Variants in TBC1D4 observed in about 807,000 individuals in gnomAD.
The protein encoded by TBC1D4 is TBC1 domain family member 4.
In TBC1D4, 121 loss-of-function variants were observed where a neutral mutation model predicts 142.5. The observed-to-expected ratio is 0.85, with a 90% CI of 0.73 to 0.99. TBC1D4 has a LOEUF of 0.99. TBC1D4 is among the 50% of genes least tolerant of loss of function. TBC1D4 has a pLI of 0.00. For synonymous variants in TBC1D4, 630 were observed against 628.2 expected, an observed-to-expected ratio of 1.00 and a Z score of -0.04; for missense variants, 1,475 against 1,606.6, an observed-to-expected ratio of 0.92 and a Z score of 1.40.
chr13:75,462,287 G>A (rs1169208243), intron 1 of TBC1D4, among the ~76,000 whole-genome samples: 2 of 152,138 alleles, frequency 1.3e-5, no homozygotes, highest in African/African-American at 2.4e-5. Flanking sequence ...GGTGTCCAAC[G>A]TTCTAAGCCT....
intron 14 of TBC1D4, among the ~76,000 whole-genome samples, chr13:75,308,058 G>C (rs1877358106): frequency 6.6e-6 from 1 of 152,186 alleles, no homozygotes; most frequent in Non-Finnish European, 1.5e-5. Flanking sequence ...CGCACACCCT[G>C]AGGATAAAAT....
intron 7 of TBC1D4, among the ~76,000 whole-genome samples, chr13:75,338,888 C>G (rs1880441457): frequency 6.6e-6 from 1 of 152,220 alleles, no homozygotes; most frequent in Non-Finnish European, 1.5e-5. Context: ...ACGTTGTTCA[C>G]AGCAACTCCC....
intron 16 of TBC1D4, among the ~76,000 whole-genome samples, chr13:75,301,549 G>A (rs1876548466): frequency 1.3e-5 from 2 of 152,092 alleles, no homozygotes; most frequent in Admixed American, 6.5e-5. Flanking sequence ...GGAGGCTGAG[G>A]CAGGAGAATG....
chr13:75,359,991 C>T (rs963608038), intron 2 of TBC1D4, 133 bp from the exon 3 acceptor site: 7 of 736,742 alleles, frequency 9.5e-6, no homozygotes, highest in East Asian at 2.8e-5. Context: ...TGTGCTTAAA[C>T]ATCTAATCCA....
intron 1 of TBC1D4, among the ~76,000 whole-genome samples, chr13:75,402,327 C>A (rs963469453): frequency 4.6e-5 from 7 of 152,064 alleles, no homozygotes; most frequent in Non-Finnish European, 8.8e-5. Context: ...AGGGTTTTGT[C>A]CCCCATCTCC....
intron 1 of TBC1D4, among the ~76,000 whole-genome samples, chr13:75,467,839 C>G (rs934666233): frequency 6.6e-6 from 1 of 152,134 alleles, no homozygotes; most frequent in Non-Finnish European, 1.5e-5. Context: ...AAAATACATA[C>G]AAGAGCAGTG....
At chr13:75,395,213 A>T (rs1192146342) in intron 1 of TBC1D4, among the ~76,000 whole-genome samples, 1 of 152,228 alleles carries the variant, frequency 6.6e-6, no homozygotes, top group Non-Finnish European at 1.5e-5. Flanking sequence ...TCAACAGTGG[A>T]TAAGGGTAGG....
At chr13:75,341,052 G>C in intron 7 of TBC1D4, 73 bp downstream of exon 7, 1 of 1,337,624 alleles carries the variant, frequency 7.5e-7, no homozygotes, top group South Asian at 1.2e-5. Flanking sequence ...AAGAACCTGA[G>C]AGTACAAAGG....
chr13:75,362,290 G>C lies in TBC1D4; in HGVS notation c.816C>G (p.Asp272Glu). The C allele has an allele frequency of 6.2e-7, 1 of 1,613,838 alleles. No homozygotes were observed. The highest frequency in any genetic ancestry group is 8.5e-7 in the Non-Finnish European group (1 of 1,180,008). ...GTAAGCCAAGGTGGGTGTCGGTGCC[G>C]TCAGCCTCCTCCGGCAGGCAGTCTC... The part of the protein sequence containing the change: ...SPGDCLPEEA[D>E]GTDTHLGLPA... Residue 272 changes from aspartate (D) to glutamate (E), a missense_variant, in exon 2 of 21, where the codon GAC (aspartate) becomes GAG (glutamate). Around this residue, in one of 2 missense-constraint regions of TBC1D4, gnomAD observed 1,227 missense variants for 1,267.7 expected, o/e 0.97. Transcript: ENST00000377636. The surrounding 1 kb of genome is among the most constrained non-coding windows in gnomAD (Gnocchi z 4.2).
intron 1 of TBC1D4, among the ~76,000 whole-genome samples, chr13:75,409,886 A>C (rs763503704): frequency 6.6e-6 from 1 of 152,198 alleles, no homozygotes; most frequent in African/African-American, 2.4e-5. Context: ...TTGCCCTGCT[A>C]TATCATCTCT....
intron 1 of TBC1D4, among the ~76,000 whole-genome samples, chr13:75,452,124 T>C (rs548524524): frequency 7.2e-5 from 11 of 152,324 alleles, no homozygotes; most frequent in African/African-American, 2.4e-4. Context: ...CTTATATTTT[T>C]AAAGTACATC....
intron 6 of TBC1D4, 88 bp downstream of exon 6, chr13:75,341,408 G>T: frequency 7.4e-7 from 1 of 1,358,150 alleles, no homozygotes; most frequent in Non-Finnish European, 1.0e-6. Flanking sequence ...TTTAGCTCTA[G>T]GCAGCAGAAT....
intron 18 of TBC1D4, among the ~76,000 whole-genome samples, chr13:75,293,592 T>C: frequency 6.6e-6 from 1 of 152,176 alleles, no homozygotes; most frequent in East Asian, 1.9e-4. Flanking sequence ...GAACCCAAGC[T>C]CCAGAGAAAA....
intron 12 of TBC1D4, 152 bp downstream of exon 12, chr13:75,319,862 T>A (rs2137977411): frequency 1.5e-6 from 1 of 678,934 alleles, no homozygotes; most frequent in Non-Finnish European, 2.5e-6. Context: ...ACACCAAGGG[T>A]CACATTTTCC....
chr13:75,386,864 T>TG (rs1884208164), intron 1 of TBC1D4, among the ~76,000 whole-genome samples: 1 of 152,186 alleles, frequency 6.6e-6, no homozygotes, highest in Non-Finnish European at 1.5e-5. Context: ...CAAAAAGTTT[T>TG]GTGATCTCCT....
intron 1 of TBC1D4, among the ~76,000 whole-genome samples, chr13:75,430,453 A>ATC (rs1176830445): frequency 6.6e-6 from 1 of 152,148 alleles, no homozygotes; most frequent in Non-Finnish European, 1.5e-5. Flanking sequence ...GTACTTCAAA[A>ATC]TCTCTTTTGT....
At chr13:75,312,454 G>GAAAGAAAGAAAGAAA (rs1593908544) in intron 13 of TBC1D4, among the ~76,000 whole-genome samples, 1 of 110,588 alleles carries the variant, frequency 9.0e-6, no homozygotes, top group African/African-American at 2.9e-5. Flanking sequence ...GAAAGAAAAA[G>GAAAGAAAGAAAGAAA]GACATACAGC....
At chr13:75,298,255 T>C (rs1186569376) in intron 17 of TBC1D4, among the ~76,000 whole-genome samples, 1 of 152,210 alleles carries the variant, frequency 6.6e-6, no homozygotes, top group South Asian at 2.1e-4. Flanking sequence ...TTTTAACCAC[T>C]GAAAGCTTTA....
chr13:75,474,490 C>T (rs1420976808), intron 1 of TBC1D4, among the ~76,000 whole-genome samples: 4 of 152,050 alleles, frequency 2.6e-5, no homozygotes, highest in African/African-American at 9.7e-5. Flanking sequence ...ACCCGGAAGG[C>T]GGAGCTTGCA....
Sources: gnomAD v4.1 joint callset for allele counts (sites outside exome capture counted in the v4.1 genomes callset) on GRCh38, gnomAD v4.1.1 for gene constraint, gnomAD v4.1.1 regional missense constraint, Gnocchi (gnomAD v3.1) non-coding constraint, MANE v1.5 for transcripts, NCBI Gene and HGNC (gene_info 2026-07-23, HGNC 2026-07-21) for gene names.